Variants in CPXM2 observed in about 807,000 individuals in gnomAD.
CPXM2 encodes the protein inactive carboxypeptidase-like protein X2.
In CPXM2, 66 loss-of-function variants were observed where a neutral mutation model predicts 86.1. That is an observed-to-expected ratio of 0.77 (90% CI 0.63 to 0.94). CPXM2 has a LOEUF of 0.94. Ranked by LOEUF, CPXM2 falls within the 40% of genes least tolerant of loss-of-function variation. The pLI is 0.00. For missense variants in CPXM2, 948 were observed against 1,026.3 expected, an observed-to-expected ratio of 0.92 and a Z score of 1.04; for synonymous variants, 388 against 400.2, an observed-to-expected ratio of 0.97 and a Z score of 0.36.
chr10:123,759,980 G>C (rs1232922858), intron 11 of CPXM2, among the ~76,000 whole-genome samples: 1 of 152,178 alleles, frequency 6.6e-6, no homozygotes, highest in Non-Finnish European at 1.5e-5. Context: ...GGAGAGGGAG[G>C]GGGAGGAAAG....
chr10:123,791,365 C>A (rs961123416), intron 6 of CPXM2, among the ~76,000 whole-genome samples: 1 of 152,162 alleles, frequency 6.6e-6, no homozygotes, highest in Non-Finnish European at 1.5e-5. Context: ...TGCAGTGAGC[C>A]AAGATCGCTC....
chr10:123,833,794 G>A (rs1241953703), intron 4 of CPXM2, among the ~76,000 whole-genome samples: 7 of 152,170 alleles, frequency 4.6e-5, no homozygotes, highest in East Asian at 1.9e-4. Flanking sequence ...GATGTGGTCC[G>A]AGCACATTTC....
intron 2 of CPXM2, among the ~76,000 whole-genome samples, chr10:123,910,254 A>G (rs1945477117): frequency 1.3e-5 from 2 of 151,978 alleles, no homozygotes; most frequent in Non-Finnish European, 2.9e-5. Context: ...ATGCCTGGAC[A>G]CCTGGCCAGG....
At position 123,865,021 on chromosome 10, in the gene CPXM2, T is replaced by G. The variant is rs1179799665; in HGVS notation, c.404-2298A>C. Among the ~76,000 whole-genome samples the G allele has an allele frequency of 1.3e-5, 2 of 152,180 alleles. No individual in the cohort carries two copies. The highest frequency in any genetic ancestry group is 2.1e-4 in the South Asian group (1 of 4,824). On this transcript the variant is annotated intron_variant, in intron 2 of 13. Transcript: ENST00000241305. The surrounding 1 kb of genome is among the most constrained non-coding windows in gnomAD (Gnocchi z 4.7). ...GGGCTGAGTTTCCCGCCGCCAGCAG[T>G]GCTGGCAGCTGCCACATCTAACAGC...
intron 13 of CPXM2, chr10:123,752,470 C>T (rs1332190603): frequency 1.0e-6 from 1 of 985,240 alleles, no homozygotes; most frequent in East Asian, 1.1e-4. Context: ...GACACATTTC[C>T]CCCATTTACA....
chr10:123,860,016 G>C (rs1471797412), intron 3 of CPXM2, among the ~76,000 whole-genome samples: 1 of 152,150 alleles, frequency 6.6e-6, no homozygotes, highest in African/African-American at 2.4e-5. Flanking sequence ...CTCCCATGTT[G>C]CAGGTGCTAT....
At chr10:123,847,703 A>G (rs1180156584) in intron 3 of CPXM2, among the ~76,000 whole-genome samples, 3 of 152,174 alleles carry the variant, frequency 2.0e-5, no homozygotes, top group Non-Finnish European at 4.4e-5. Flanking sequence ...TTTAAAAAGT[A>G]AAAGGAAAGG....
chr10:123,772,990 G>A (rs1846684426), intron 7 of CPXM2, among the ~76,000 whole-genome samples: 1 of 147,786 alleles, frequency 6.8e-6, no homozygotes, highest in South Asian at 2.2e-4. Context: ...CACCTCCCTT[G>A]TTGTGGTTCT....
intron 11 of CPXM2, among the ~76,000 whole-genome samples, chr10:123,757,637 ATACTT>A (rs1846245802): frequency 6.6e-6 from 1 of 152,226 alleles, no homozygotes; most frequent in Admixed American, 6.5e-5. Flanking sequence ...TTTAGATAAA[ATACTT>A]TATTAAAGTA....
intron 4 of CPXM2, among the ~76,000 whole-genome samples, chr10:123,838,233 G>A (rs566753097): frequency 5.9e-5 from 9 of 152,292 alleles, no homozygotes; most frequent in South Asian, 2.1e-4. Context: ...AGGCCGAGGC[G>A]GGAGGATTAC....
chr10:123,929,561 C>A (rs898331864), intron 2 of CPXM2, among the ~76,000 whole-genome samples: 1 of 152,312 alleles, frequency 6.6e-6, no homozygotes, highest in Admixed American at 6.5e-5. Context: ...TTTCTCCCTG[C>A]CCTCGCTGTT....
intron 3 of CPXM2, among the ~76,000 whole-genome samples, chr10:123,857,742 A>G (rs1194994912): frequency 6.6e-6 from 1 of 152,232 alleles, no homozygotes; most frequent in East Asian, 1.9e-4. Flanking sequence ...ATGCACCAGC[A>G]CAGGCCCCAC....
intron 4 of CPXM2, among the ~76,000 whole-genome samples, chr10:123,831,948 G>C (rs1235082130): frequency 1.4e-5 from 2 of 146,858 alleles, no homozygotes; most frequent in South Asian, 4.5e-4. Flanking sequence ...GGCCGGGGGT[G>C]GGGGGCGTGC....
chr10:123,838,595 T>A (rs1194908701), intron 4 of CPXM2, among the ~76,000 whole-genome samples: 2 of 152,202 alleles, frequency 1.3e-5, no homozygotes, highest in Non-Finnish European at 2.9e-5. Flanking sequence ...AACAGCAACA[T>A]CCATTTGGAA....
chr10:123,774,525 C>T (rs774878645), intron 7 of CPXM2, among the ~76,000 whole-genome samples: 2 of 152,130 alleles, frequency 1.3e-5, no homozygotes, highest in Admixed American at 6.5e-5. Context: ...TCTGTAATGA[C>T]TGGGAAGAGT....
At chr10:123,880,145 T>TGGGGCCCCCC in intron 2 of CPXM2, 66 bp downstream of exon 2, 2 of 407,580 alleles carry the variant, frequency 4.9e-6, no homozygotes, top group East Asian at 4.9e-5. Context: ...CAGGGGCCTG[T>TGGGGCCCCCC]ACCCACCCAC....
chr10:123,927,471 C>G (rs1243239287), intron 2 of CPXM2, among the ~76,000 whole-genome samples: 1 of 152,208 alleles, frequency 6.6e-6, no homozygotes, highest in East Asian at 1.9e-4. Flanking sequence ...GCCTTTAACT[C>G]ATTTAATCCT....
rs1846616181 is a variant in CPXM2 at position 123,770,980 on chromosome 10, T to C, written c.1038A>G (p.Lys346=). The change falls in exon 8 of 14, where the codon AAA becomes AAG. Residue 346 remains lysine (K), a synonymous_variant. Transcript: ENST00000241305. The part of the protein sequence containing the change: ...PNITRIYNIG[K]SHQGLKLYAV... ...CATACAGCTTCAGGCCCTGGTGGCT[T>C]TTTCCAATGTTGTAAATTCTGGTGA... 1 of 1,613,870 alleles carries C rather than the reference T, an allele frequency of 6.2e-7. No individual in the cohort carries two copies. Among genetic ancestry groups the C allele is most frequent in the South Asian group, 1.1e-5 (1 of 91,072 alleles).
intron 4 of CPXM2, among the ~76,000 whole-genome samples, chr10:123,830,175 T>G (rs1848135812): frequency 6.6e-6 from 1 of 152,188 alleles, no homozygotes; most frequent in South Asian, 2.1e-4. Context: ...TTCAAAATTT[T>G]TGCACAGCAA....
Sources: gnomAD v4.1 joint callset for allele counts (sites outside exome capture counted in the v4.1 genomes callset) on GRCh38, gnomAD v4.1.1 for gene constraint, Gnocchi (gnomAD v3.1) non-coding constraint, MANE v1.5 for transcripts, NCBI Gene and HGNC (gene_info 2026-07-23, HGNC 2026-07-21) for gene names.